The following TMEM233 variants were observed in gnomAD, a reference collection of about 807,000 sequenced individuals.
The protein encoded by TMEM233 is transmembrane protein 233.
Under a neutral mutation model 11.2 loss-of-function variants are expected in TMEM233, and 6 were observed. The ratio of observed to expected loss-of-function variants is 0.54; its 90% CI spans 0.29 to 1.06. The LOEUF (loss-of-function observed/expected upper bound fraction) is 1.06, where lower values mean the gene tolerates loss of function less well. Ranked by LOEUF, TMEM233 falls within the 50% of genes least tolerant of loss-of-function variation. The probability of loss-of-function intolerance (pLI) is 0.08; values close to 1 mark genes in which losing one functional copy is unlikely to be tolerated. For synonymous variants in TMEM233, 59 were observed against 55.8 expected, an observed-to-expected ratio of 1.06 and a Z score of -0.26; for missense variants, 127 against 144.7, an observed-to-expected ratio of 0.88 and a Z score of 0.63.
At chr12:119,620,906 G>C (rs754004844) in intron 1 of TMEM233, among the ~76,000 whole-genome samples, 1 of 152,032 alleles carries the variant, frequency 6.6e-6, no homozygotes, top group Non-Finnish European at 1.5e-5. Flanking sequence ...TCAGATACAG[G>C]GTCTTGCTCT....
At chr12:119,621,064 C>A (rs951392498) in intron 1 of TMEM233, among the ~76,000 whole-genome samples, 1 of 69,684 alleles carries the variant, frequency 1.4e-5, no homozygotes, top group Non-Finnish European at 2.9e-5. Context: ...TTTTTTTTTT[C>A]TGAAACAGGG....
the TMEM233 span, among the ~76,000 whole-genome samples, chr12:119,650,924 C>T: frequency 6.6e-6 from 1 of 152,170 alleles, no homozygotes; most frequent in Non-Finnish European, 1.5e-5. Flanking sequence ...ATTACAGGCA[C>T]AAGCCACTGC....
At chr12:119,618,159 T>C (rs1954573135) in intron 1 of TMEM233, among the ~76,000 whole-genome samples, 1 of 152,224 alleles carries the variant, frequency 6.6e-6, no homozygotes, top group Non-Finnish European at 1.5e-5. Context: ...TCTTGGCAGC[T>C]TCCATGTGGT....
downstream of TMEM233, among the ~76,000 whole-genome samples, chr12:119,647,349 C>T (rs1312064597): frequency 6.6e-6 from 1 of 152,234 alleles, no homozygotes; most frequent in Non-Finnish European, 1.5e-5. Context: ...TTAAGACAAG[C>T]ATTTGCCCTT....
chr12:119,593,938 C>T lies in TMEM233; in HGVS notation c.90C>T (p.Asp30=). 1 of 1,551,736 alleles carries T rather than the reference C, an allele frequency of 6.4e-7. No individual in the cohort carries two copies. The highest frequency in any genetic ancestry group is 8.7e-7 in the Non-Finnish European group (1 of 1,146,988). ...CTGAAGATGACAAGACCGAGGAGGA[C>T]GTGCCCATGCCCAAGAACTACCTGT... ...ANTEDDKTEE[D]VPMPKNYLWL... is the part of the protein sequence containing the mutation. Residue 30 remains aspartate, a synonymous_variant, in exon 1 of 3, where the codon GAC becomes GAT. Transcript: ENST00000426426. This position sits in a 1 kb window ranked among gnomAD's most constrained non-coding sequence, Gnocchi z 4.1.
chr12:119,607,361 G>A (rs1001536363), intron 1 of TMEM233, among the ~76,000 whole-genome samples: 11 of 152,102 alleles, frequency 7.2e-5, no homozygotes, highest in Non-Finnish European at 8.8e-5. Flanking sequence ...ATCGGTTAGC[G>A]CGCGGTATTT....
At chr12:119,621,690 T>C (rs1233626354) in intron 1 of TMEM233, among the ~76,000 whole-genome samples, 2 of 152,216 alleles carry the variant, frequency 1.3e-5, no homozygotes, top group Non-Finnish European at 2.9e-5. Flanking sequence ...ACAATAATCC[T>C]TGAAAAACAT....
At chr12:119,649,521 G>GA in the TMEM233 span, among the ~76,000 whole-genome samples, 1 of 152,114 alleles carries the variant, frequency 6.6e-6, no homozygotes, top group Non-Finnish European at 1.5e-5. Flanking sequence ...CAAACTGGAA[G>GA]AAAATCACAC....
chr12:119,631,597 G>A (rs189669360), intron 2 of TMEM233: 82 of 985,460 alleles, frequency 8.3e-5, no homozygotes, highest in African/African-American at 2.3e-4. Flanking sequence ...GAGAATACAC[G>A]TGAATGAACC....
intron 1 of TMEM233, among the ~76,000 whole-genome samples, chr12:119,611,711 C>A (rs1954402646): frequency 1.3e-5 from 2 of 151,974 alleles, no homozygotes; most frequent in African/African-American, 4.8e-5. Flanking sequence ...AAACTGCTTT[C>A]CATTTTTGCT....
At chr12:119,606,721 T>C (rs1954287333) in intron 1 of TMEM233, among the ~76,000 whole-genome samples, 1 of 152,236 alleles carries the variant, frequency 6.6e-6, no homozygotes, top group Admixed American at 6.5e-5. Context: ...ACATATTAGA[T>C]GTTCATCCAG....
At chr12:119,644,727 C>T (rs189770216), downstream of TMEM233, among the ~76,000 whole-genome samples, 2 of 152,310 alleles carry the variant, frequency 1.3e-5, no homozygotes, top group East Asian at 3.9e-4. Context: ...GATCCACCCA[C>T]CTCGGCCTCC....
At chr12:119,629,700 A>G in intron 1 of TMEM233, 36 bp from the exon 2 acceptor site, 5 of 1,532,618 alleles carry the variant, frequency 3.3e-6, no homozygotes, top group South Asian at 2.5e-5. Context: ...CCTGTGGGTT[A>G]TCTGTCATCA....
intron 1 of TMEM233, among the ~76,000 whole-genome samples, chr12:119,607,175 A>G (rs1488252169): frequency 6.6e-6 from 1 of 152,244 alleles, no homozygotes; most frequent in Non-Finnish European, 1.5e-5. Context: ...GTTACAGTAT[A>G]AAGAGTTATA....
chr12:119,644,472 T>C (rs1955125755), downstream of TMEM233, among the ~76,000 whole-genome samples: 1 of 144,448 alleles, frequency 6.9e-6, no homozygotes, highest in Non-Finnish European at 1.5e-5. Flanking sequence ...CTTTTCTTTT[T>C]CTTTTCTTTT....
chr12:119,616,346 T>C (rs11064846), intron 1 of TMEM233, among the ~76,000 whole-genome samples: 50,101 of 152,122 alleles, frequency 0.33, 8,774 homozygotes, highest in Middle Eastern at 0.39. Context: ...TCTTGTTCTA[T>C]AAGATCCATT....
rs578225402 is a variant in TMEM233, at chr12:119,642,787, C to T, written c.*2082C>T. On this transcript the variant is annotated 3_prime_UTR_variant, in exon 3 of 3. Transcript: ENST00000426426. ...ACAAATTTCAGCATTTTTTCATATA[C>T]TGAACCCTAGCAAAAAAAAAAAAAA... is the stretch of plus-strand genomic sequence containing the variant. The T allele has an allele frequency of 9.0e-6, 1 of 111,170 alleles. No homozygotes were observed. The highest frequency in any genetic ancestry group is 2.3e-4 in the East Asian group (1 of 4,286). The allele number at this position is 111,170 out of a possible 1,614,324, so 6.9% of individuals were successfully genotyped here.
intron 1 of TMEM233, among the ~76,000 whole-genome samples, chr12:119,628,885 A>C (rs987490993): frequency 6.6e-6 from 1 of 152,234 alleles, no homozygotes; most frequent in Non-Finnish European, 1.5e-5. Context: ...CCTGCCCTAC[A>C]ACAAAACTAT....
intron 1 of TMEM233, among the ~76,000 whole-genome samples, chr12:119,611,883 A>T (rs1312663766): frequency 6.6e-6 from 1 of 152,304 alleles, no homozygotes; most frequent in South Asian, 2.1e-4. Context: ...CCTATACAAT[A>T]GGAATATTAA....
Sources: allele counts gnomAD v4.1 joint callset (sites outside exome capture counted in the v4.1 genomes callset), GRCh38; gene constraint gnomAD v4.1.1; non-coding constraint Gnocchi (gnomAD v3.1); transcripts MANE v1.5; gene names NCBI Gene and HGNC (gene_info 2026-07-23, HGNC 2026-07-21).